The following WDSUB1 variants were observed in gnomAD, a reference collection of about 807,000 sequenced individuals.
WDSUB1 encodes the protein WD repeat, SAM and U-box domain-containing protein 1.
Under a neutral mutation model 53.9 loss-of-function variants are expected in WDSUB1, and 49 were observed. That is an observed-to-expected ratio of 0.91 (90% CI 0.72 to 1.15). The LOEUF is 1.15. Among genes scored for constraint, WDSUB1 ranks in the 50% most tolerant of loss-of-function variants. The pLI, the probability that WDSUB1 is intolerant of heterozygous loss-of-function variation, is 0.00. For missense variants in WDSUB1, 514 were observed against 562.0 expected, an observed-to-expected ratio of 0.91 and a Z score of 0.86; for synonymous variants, 194 against 200.6, an observed-to-expected ratio of 0.97 and a Z score of 0.28.
In WDSUB1 at chr2:159,248,112, T is replaced by C. The variant is rs2060859801; in HGVS notation, c.1273+260A>G. Among the ~76,000 whole-genome samples the C allele has an allele frequency of 1.3e-5, 2 of 148,830 alleles. 1 individual carries two copies. The highest frequency in any genetic ancestry group is 4.2e-4 in the South Asian group (2 of 4,792). ...AACAATCTGTCTTTAAAAAATAGTA[T>C]TTTATCTTTACATCCTAGCAACTAA... On this transcript the variant is annotated intron_variant, in intron 10 of 10. Coordinates refer to ENST00000359774, the MANE Select transcript of WDSUB1 (RefSeq NM_001128212.3).
chr2:159,260,088 G>C (rs1221446325), intron 5 of WDSUB1, among the ~76,000 whole-genome samples: 1 of 152,184 alleles, frequency 6.6e-6, no homozygotes, highest in Non-Finnish European at 1.5e-5. Context: ...CGGATCATGA[G>C]GTCAGGAGTT....
intron 5 of WDSUB1, among the ~76,000 whole-genome samples, chr2:159,263,006 C>G (rs1370056107): frequency 6.6e-6 from 1 of 152,172 alleles, no homozygotes; most frequent in East Asian, 1.9e-4. Flanking sequence ...ATACTCCATT[C>G]CTACAGTTTT....
intron 10 of WDSUB1, among the ~76,000 whole-genome samples, chr2:159,243,912 T>A (rs911903792): frequency 5.9e-5 from 9 of 152,314 alleles, no homozygotes; most frequent in African/African-American, 1.9e-4. Flanking sequence ...AAAATTAAAC[T>A]GCTTTGTGCA....
intron 10 of WDSUB1, among the ~76,000 whole-genome samples, chr2:159,243,498 ATAG>A (rs958466741): frequency 2.1e-5 from 3 of 145,192 alleles, no homozygotes; most frequent in African/African-American, 8.0e-5. Flanking sequence ...TTGTGATATA[ATAG>A]TATCATTTTG....
At chr2:159,279,235 G>C (rs2061603097) in intron 3 of WDSUB1, among the ~76,000 whole-genome samples, 1 of 152,142 alleles carries the variant, frequency 6.6e-6, no homozygotes, top group Non-Finnish European at 1.5e-5. Context: ...CCAAATCACT[G>C]TACCTATTTA....
intron 9 of WDSUB1, among the ~76,000 whole-genome samples, chr2:159,252,576 G>A (rs760745116): frequency 6.6e-6 from 1 of 152,032 alleles, no homozygotes; most frequent in Non-Finnish European, 1.5e-5. Context: ...TTCAACAGGG[G>A]GTCATTGCAC....
At chr2:159,280,165 A>G (rs2061624949) in intron 2 of WDSUB1, among the ~76,000 whole-genome samples, 1 of 152,210 alleles carries the variant, frequency 6.6e-6, no homozygotes, top group Admixed American at 6.5e-5. Context: ...CCTCCCTTAA[A>G]CATTTTAACT....
chr2:159,279,687 A>G (rs1251718185), intron 3 of WDSUB1, 74 bp downstream of exon 3: 1 of 1,337,188 alleles, frequency 7.5e-7, no homozygotes, highest in Non-Finnish European at 1.0e-6. Context: ...AAAAAGAATA[A>G]AAGAATGAAA....
At chr2:159,250,987 G>C (rs2060938755) in intron 9 of WDSUB1, among the ~76,000 whole-genome samples, 1 of 151,956 alleles carries the variant, frequency 6.6e-6, no homozygotes, top group Admixed American at 6.6e-5. Flanking sequence ...AAGGAGGCTG[G>C]GTGTAGTGGC....
chr2:159,265,841 A>T (rs2061334571), intron 5 of WDSUB1, among the ~76,000 whole-genome samples: 1 of 152,174 alleles, frequency 6.6e-6, no homozygotes, highest in South Asian at 2.1e-4. Context: ...TTATTAGGGG[A>T]CAGAAGTGGA....
intron 2 of WDSUB1, among the ~76,000 whole-genome samples, chr2:159,280,326 G>A (rs926875626): frequency 2.0e-5 from 3 of 152,094 alleles, no homozygotes; most frequent in Non-Finnish European, 2.9e-5. Context: ...TTTAAAAAAG[G>A]TAAGATAAAA....
intron 10 of WDSUB1, among the ~76,000 whole-genome samples, chr2:159,248,158 A>G (rs2060860882): frequency 6.6e-6 from 1 of 151,872 alleles, no homozygotes; most frequent in African/African-American, 2.4e-5. Context: ...CACAAGTTTA[A>G]GTAAAACTTA....
Position 159,243,795 on chromosome 2 carries a change from C to CA in WDSUB1, c.1273+4576dup, listed in dbSNP as rs1381946386. On this transcript the variant is annotated intron_variant, in intron 10 of 10. Coordinates refer to ENST00000359774, the MANE Select transcript of WDSUB1 (RefSeq NM_001128212.3). ...AACAGAAATGCATACATATGTTAAC[C>CA]AAAAAAACATGTACAGAAAGGTTCA... Among the ~76,000 whole-genome samples the CA allele has an allele frequency of 3.3e-5, 5 of 151,868 alleles. No homozygotes were observed. The East Asian group carries it at 5.8e-4, about 18-fold the overall frequency.
At chr2:159,280,176 G>A (rs1399695809) in intron 2 of WDSUB1, among the ~76,000 whole-genome samples, 5 of 152,024 alleles carry the variant, frequency 3.3e-5, no homozygotes, top group African/African-American at 1.2e-4. Context: ...CATTTTAACT[G>A]GTATGTTCAA....
chr2:159,281,499 T>C (rs1275665063), intron 2 of WDSUB1, among the ~76,000 whole-genome samples: 1 of 151,608 alleles, frequency 6.6e-6, no homozygotes, highest in Non-Finnish European at 1.5e-5. Flanking sequence ...ACATTACCAA[T>C]GTAAATTAAT....
chr2:159,267,088 G>A (rs1222199188), intron 5 of WDSUB1, among the ~76,000 whole-genome samples: 1 of 151,670 alleles, frequency 6.6e-6, no homozygotes, highest in African/African-American at 2.4e-5. Flanking sequence ...TAGGTTCTCT[G>A]TTATCTCTAC....
chr2:159,245,939 AC>A (rs951532945), intron 10 of WDSUB1, among the ~76,000 whole-genome samples: 2 of 110,478 alleles, frequency 1.8e-5, no homozygotes, highest in Non-Finnish European at 4.3e-5. Flanking sequence ...GAGGCAGGCT[AC>A]AAGACCAAGA....
At chr2:159,261,943 G>A (rs2061238193) in intron 5 of WDSUB1, among the ~76,000 whole-genome samples, 1 of 112,290 alleles carries the variant, frequency 8.9e-6, no homozygotes, top group Non-Finnish European at 1.7e-5. Context: ...TAAATGAACT[G>A]GTCATTGGGT....
intron 5 of WDSUB1, among the ~76,000 whole-genome samples, chr2:159,271,171 G>A (rs183995360): frequency 5.3e-5 from 8 of 152,238 alleles, no homozygotes; most frequent in South Asian, 2.1e-4. Context: ...GAAAATGCAC[G>A]TATTCTATGA....
Sources: allele counts gnomAD v4.1 joint callset (sites outside exome capture counted in the v4.1 genomes callset), GRCh38; gene constraint gnomAD v4.1.1; transcripts MANE v1.5; gene names NCBI Gene and HGNC (gene_info 2026-07-23, HGNC 2026-07-21).